Variants in FOCAD observed in about 807,000 individuals in gnomAD.
FOCAD encodes focadhesin.
Under a neutral mutation model 225.6 loss-of-function variants are expected in FOCAD, and 198 were observed. The ratio of observed to expected loss-of-function variants is 0.88; its 90% CI spans 0.78 to 0.99. FOCAD has a LOEUF of 0.99. FOCAD is among the 50% of genes least tolerant of loss of function. The pLI is 0.00. For missense variants in FOCAD, 2,713 were observed against 2,123.6 expected, an observed-to-expected ratio of 1.28 and a Z score of -5.46; for synonymous variants, 897 against 755.0, an observed-to-expected ratio of 1.19 and a Z score of -3.08.
intron 4 of FOCAD, among the ~76,000 whole-genome samples, chr9:20,738,174 C>A (rs925802169): frequency 2.0e-5 from 3 of 152,274 alleles, no homozygotes; most frequent in Admixed American, 6.5e-5. Flanking sequence ...TCTAGAAATT[C>A]AGTGTCAATA....
rs764820229 is a variant in FOCAD at position 20,820,281 on chromosome 9, G to T, written c.1561-43G>T. On this transcript the variant is annotated intron_variant, in intron 12 of 43. Coordinates refer to ENST00000338382, the MANE Select transcript of FOCAD (RefSeq NM_001375567.1). ...GCTTTTGGTAACCTCGAGGTTGTCT[G>T]CATTCAAGTTTATGCAACTAGAGTT... 3 of 1,446,622 alleles carry T rather than the reference G, an allele frequency of 2.1e-6. No individual in the cohort carries two copies. In the South Asian group the frequency reaches 3.7e-5, roughly 18 times the overall value. The allele number at this position is 1,446,622 out of a possible 1,614,324, so 89.6% of individuals were successfully genotyped here.
At chr9:20,697,541 A>G (rs949480773) in intron 1 of FOCAD, among the ~76,000 whole-genome samples, 4 of 152,244 alleles carry the variant, frequency 2.6e-5, no homozygotes, top group Non-Finnish European at 4.4e-5. Flanking sequence ...ACATGCTTCC[A>G]TCTCAAGGTT....
At chr9:20,692,665 C>T (rs7468319) in intron 1 of FOCAD, among the ~76,000 whole-genome samples, 32,538 of 151,970 alleles carry the variant, frequency 0.21, 3,782 homozygotes, top group African/African-American at 0.31. Flanking sequence ...TATCTCTGCT[C>T]TACGTGGTCA....
At chr9:20,804,455 C>G (rs1348352981) in intron 11 of FOCAD, among the ~76,000 whole-genome samples, 1 of 151,916 alleles carries the variant, frequency 6.6e-6, no homozygotes, top group Non-Finnish European at 1.5e-5. Context: ...GAGGAAAGTC[C>G]TGGAATCATT....
chr9:20,835,069 ATT>A (rs1825866397), intron 15 of FOCAD, among the ~76,000 whole-genome samples: 2 of 151,536 alleles, frequency 1.3e-5, no homozygotes, highest in South Asian at 4.2e-4. Flanking sequence ...CTCTATTTTA[ATT>A]GAGGTGGTAA....
At chr9:20,679,736 A>G (rs1822344239), upstream of FOCAD, among the ~76,000 whole-genome samples, 1 of 152,246 alleles carries the variant, frequency 6.6e-6, no homozygotes, top group Non-Finnish European at 1.5e-5. Context: ...TACCTCTTAA[A>G]GACGGTAGTT....
chr9:20,801,804 C>T (rs1177078789), intron 11 of FOCAD, among the ~76,000 whole-genome samples: 4 of 152,076 alleles, frequency 2.6e-5, no homozygotes, highest in South Asian at 2.1e-4. Context: ...TATGCTGCTA[C>T]GTGATAGCTG....
At chr9:20,782,485 C>G (rs1197551833) in intron 10 of FOCAD, among the ~76,000 whole-genome samples, 2 of 152,196 alleles carry the variant, frequency 1.3e-5, no homozygotes, top group African/African-American at 4.8e-5. Flanking sequence ...CGTTTCCAAT[C>G]CTGCCTGCCT....
chr9:20,971,920 C>T (rs958956851), intron 35 of FOCAD, among the ~76,000 whole-genome samples: 1 of 152,046 alleles, frequency 6.6e-6, no homozygotes, highest in African/African-American at 2.4e-5. Flanking sequence ...TAGCATCTAG[C>T]ATGATTTTCT....
chr9:20,680,840 T>C (rs1208505273), upstream of FOCAD, among the ~76,000 whole-genome samples: 1 of 152,122 alleles, frequency 6.6e-6, no homozygotes, highest in Non-Finnish European at 1.5e-5. Flanking sequence ...TAGTAGAATA[T>C]ATGTGTATGT....
chr9:20,657,252 T>A (rs1821518432), upstream of FOCAD, among the ~76,000 whole-genome samples: 1 of 142,022 alleles, frequency 7.0e-6, no homozygotes, highest in South Asian at 2.4e-4. Context: ...GACAATTATG[T>A]GTCTTGGAGT....
chr9:20,865,396 C>T lies in FOCAD; in HGVS notation c.2056-530C>T, dbSNP rs118116473. Among the ~76,000 whole-genome samples, 288 of 152,200 alleles carry T rather than the reference C, an allele frequency of 1.9e-3. 1 individual carries two copies. The highest frequency in any genetic ancestry group is 3.2e-3 in the Non-Finnish European group (216 of 67,964). On this transcript the variant is annotated intron_variant, in intron 16 of 43. Coordinates refer to ENST00000338382, the MANE Select transcript of FOCAD (RefSeq NM_001375567.1). ...TGGTGGCAATGAAGAAGACCACCGA[C>T]TGTTGGAAGGTAAATGGCTTTTATG...
intron 8 of FOCAD, among the ~76,000 whole-genome samples, chr9:20,772,087 A>G (rs538511458): frequency 2.6e-5 from 4 of 152,302 alleles, no homozygotes; most frequent in Non-Finnish European, 5.9e-5. Flanking sequence ...GGAAGTGGGA[A>G]AAGGGAGACA....
chr9:20,813,250 T>C (rs1823280638), intron 11 of FOCAD, among the ~76,000 whole-genome samples: 1 of 152,192 alleles, frequency 6.6e-6, no homozygotes, highest in South Asian at 2.1e-4. Flanking sequence ...ACTGTGTTTA[T>C]CCATTCATCC....
At chr9:20,816,050 A>G (rs1823694914) in intron 11 of FOCAD, among the ~76,000 whole-genome samples, 1 of 152,160 alleles carries the variant, frequency 6.6e-6, no homozygotes, top group African/African-American at 2.4e-5. Flanking sequence ...TATTTACTGT[A>G]AACATTTCCT....
Position 20,866,025 on chromosome 9 carries a change from A to C in FOCAD, c.2106+49A>C, listed in dbSNP as rs190919746. ...GAATCAGAACAAAGCTAAGGAAATAATTTTGACATTTGTAAAATAAGACTC... is the reference window on the plus strand; with the variant it reads ...GAATCAGAACAAAGCTAAGGAAATACTTTTGACATTTGTAAAATAAGACTC... On this transcript the variant is annotated intron_variant, in intron 17 of 43. Transcript: ENST00000338382. 7 of 1,464,346 alleles carry C rather than the reference A, an allele frequency of 4.8e-6. No homozygotes were observed. In the South Asian group the frequency reaches 5.0e-5, roughly 10 times the overall value. 90.7% of individuals were successfully genotyped at this position (1,464,346 alleles called of 1,614,324 possible).
intron 35 of FOCAD, among the ~76,000 whole-genome samples, chr9:20,953,754 A>C (rs1837894590): frequency 6.6e-6 from 1 of 152,154 alleles, no homozygotes; most frequent in Non-Finnish European, 1.5e-5. Context: ...CAGCTTCGTT[A>C]CCGTGATATT....
intron 1 of FOCAD, among the ~76,000 whole-genome samples, chr9:20,693,885 A>G (rs959493905): frequency 3.9e-5 from 6 of 152,172 alleles, no homozygotes; most frequent in African/African-American, 1.4e-4. Context: ...TAATTTCTGT[A>G]TTTTTAGTAC....
chr9:20,748,029 T>G (rs1563940030), intron 5 of FOCAD, among the ~76,000 whole-genome samples: 3 of 151,988 alleles, frequency 2.0e-5, no homozygotes, highest in Non-Finnish European at 4.4e-5. Flanking sequence ...TATGGTTTTA[T>G]TGTCAAAGTG....
Sources: gnomAD v4.1 joint callset for allele counts (sites outside exome capture counted in the v4.1 genomes callset) on GRCh38, gnomAD v4.1.1 for gene constraint, MANE v1.5 for transcripts, NCBI Gene and HGNC (gene_info 2026-07-23, HGNC 2026-07-21) for gene names.